Variants in RNASE4 observed in about 807,000 individuals in gnomAD.
RNASE4 encodes ribonuclease A family member 4.
For synonymous variants in RNASE4, 93 were observed against 71.4 expected, an observed-to-expected ratio of 1.30 and a Z score of -1.52; for missense variants, 194 against 192.8, an observed-to-expected ratio of 1.01 and a Z score of -0.04.
At chr14:20,693,029 A>G (rs1287527274) in intron 1 of RNASE4, among the ~76,000 whole-genome samples, 1 of 151,366 alleles carries the variant, frequency 6.6e-6, no homozygotes, top group Non-Finnish European at 1.5e-5. Context: ...TTGTATTTTT[A>G]GTAGAGACGG....
chr14:20,698,245 G>T (rs1887157125), intron 1 of RNASE4, among the ~76,000 whole-genome samples: 1 of 151,936 alleles, frequency 6.6e-6, no homozygotes, highest in Non-Finnish European at 1.5e-5. Context: ...ACAACACAAT[G>T]ATGCTGCAAC....
At chr14:20,699,277 C>T in intron 1 of RNASE4, 78 bp from the exon 2 acceptor site, 11 of 1,251,340 alleles carry the variant, frequency 8.8e-6, no homozygotes, top group East Asian at 2.3e-5. Context: ...AGTCAGGATG[C>T]CGGCTTGCTA....
In RNASE4 at chr14:20,699,655, G is replaced by T; in HGVS notation, c.284G>T (p.Gly95Val). Residue 95 changes from glycine (G) to valine (V), a missense_variant, in exon 2 of 2, where the codon GGC becomes GTC. Physicochemically the swap from Gly to Val is moderately radical, Grantham distance 109 (BLOSUM62 -3). Transcript: ENST00000555835. ...ACCACCAATATCCAATGCAAGAACG[G>T]CAAGATGAACTGCCATGAGGGTGTA... is the stretch of plus-strand genomic sequence containing the variant. ...CSTTNIQCKNGKMNCHEGVVK... is the reference protein window; with the variant it reads ...CSTTNIQCKNVKMNCHEGVVK... The T allele has an allele frequency of 6.2e-7, 1 of 1,612,128 alleles. No individual in the cohort carries two copies. The highest frequency in any genetic ancestry group is 8.5e-7 in the Non-Finnish European group (1 of 1,180,018).
At chr14:20,693,606 G>A (rs145436253) in intron 1 of RNASE4, 1 of 1,613,914 alleles carries the variant, frequency 6.2e-7, no homozygotes, top group East Asian at 2.2e-5. Flanking sequence ...TCTTCGTGCT[G>A]GGTCTGGGTC....
intron 1 of RNASE4, among the ~76,000 whole-genome samples, chr14:20,689,286 G>T (rs1886576480): frequency 6.6e-6 from 1 of 152,170 alleles, no homozygotes; most frequent in Admixed American, 6.5e-5. Flanking sequence ...AAAAGTTTTG[G>T]ATGCTCTTTC....
chr14:20,694,330 C>T (rs34844305), intron 1 of RNASE4: 235 of 320,134 alleles, frequency 7.3e-4, no homozygotes, highest in Non-Finnish European at 1.2e-3. Context: ...GATGGAGTCT[C>T]ACTCTGTCGC....
intron 1 of RNASE4, among the ~76,000 whole-genome samples, chr14:20,689,283 T>C (rs1886575971): frequency 6.6e-6 from 1 of 152,222 alleles, no homozygotes; most frequent in African/African-American, 2.4e-5. Flanking sequence ...TAGAAAAGTT[T>C]TGGATGCTCT....
Position 20,699,650 on chromosome 14 carries a change from G to C in RNASE4, c.279G>C (p.Lys93Asn). The stretch of plus-strand genomic sequence containing the variant: ...GCAGCACCACCAATATCCAATGCAA[G>C]AACGGCAAGATGAACTGCCATGAGG... ...SICSTTNIQC[K>N]NGKMNCHEGV... Residue 93 changes from lysine to asparagine, a missense_variant, in exon 2 of 2, where the codon AAG becomes AAC. By Grantham distance (94) the Lys-to-Asn change is moderately conservative. Transcript: ENST00000555835. 1 of 1,612,496 alleles carries C rather than the reference G, an allele frequency of 6.2e-7. No homozygotes were observed. The highest frequency in any genetic ancestry group is 8.5e-7 in the Non-Finnish European group (1 of 1,180,018).
At chr14:20,692,049 A>G (rs1251757870) in intron 1 of RNASE4, among the ~76,000 whole-genome samples, 1 of 152,244 alleles carries the variant, frequency 6.6e-6, no homozygotes, top group Non-Finnish European at 1.5e-5. Flanking sequence ...ACTATTTGAT[A>G]CGAAAATGTT....
Position 20,700,511 on chromosome 14 carries a change from A to T in RNASE4, c.*696A>T, listed in dbSNP as rs1887258192. 1 of 167,100 alleles carries T rather than the reference A, an allele frequency of 6.0e-6. No homozygotes were observed. 10.4% of individuals were successfully genotyped at this position (167,100 alleles called of 1,614,324 possible). A position where few individuals can be genotyped will look rare whatever the true frequency, so the allele number is the denominator to read the frequency against. The stretch of plus-strand genomic sequence containing the variant: ...AGTAAGTCAAAGTACTAAAAAATGT[A>T]CTAGATCATTAAGACTTATGTGCTC... On this transcript the variant is annotated 3_prime_UTR_variant, in exon 2 of 2. Transcript: ENST00000555835.
intron 1 of RNASE4, among the ~76,000 whole-genome samples, chr14:20,696,708 G>A (rs1167360257): frequency 6.6e-6 from 1 of 150,962 alleles, no homozygotes; most frequent in Non-Finnish European, 1.5e-5. Flanking sequence ...AGAAGCAGAG[G>A]AAACCAAGAA....
intron 1 of RNASE4, among the ~76,000 whole-genome samples, chr14:20,690,238 A>G (rs1230654982): frequency 1.3e-5 from 2 of 150,104 alleles, no homozygotes; most frequent in African/African-American, 2.4e-5. Context: ...AAAAAAAAAA[A>G]AAAAAAAAAA....
In RNASE4 at chr14:20,693,930, G is replaced by A. The variant is rs369214577; in HGVS notation, c.-17-5425G>A. 6.2e-6 allele frequency: 10 copies of A among 1,614,086 alleles called. No homozygotes were observed. The highest frequency in any genetic ancestry group is 2.2e-5 in the South Asian group (2 of 91,030). ...CTCCATGCCAGTACCGAGCCACAGC[G>A]GGGTTCAGAAACGTTGTTGTTGCTT... is the stretch of plus-strand genomic sequence containing the variant. On this transcript the variant is annotated intron_variant, in intron 1 of 1. Transcript: ENST00000555835.
chr14:20,685,575 G>A (rs1016745093), intron 1 of RNASE4, among the ~76,000 whole-genome samples: 42 of 152,174 alleles, frequency 2.8e-4, no homozygotes, highest in Admixed American at 2.7e-3. Context: ...TTTGCAAGAG[G>A]ATAGGTTTAT....
chr14:20,689,098 T>C (rs1383703788), intron 1 of RNASE4, among the ~76,000 whole-genome samples: 1 of 152,100 alleles, frequency 6.6e-6, no homozygotes, highest in African/African-American at 2.4e-5. Flanking sequence ...TTAGGAGGGA[T>C]TTCTAAATTG....
chr14:20,692,050 C>G (rs966956548), intron 1 of RNASE4, among the ~76,000 whole-genome samples: 1 of 152,038 alleles, frequency 6.6e-6, no homozygotes, highest in Admixed American at 6.6e-5. Context: ...CTATTTGATA[C>G]GAAAATGTTC....
At chr14:20,697,734 G>A (rs1887140706) in intron 1 of RNASE4, among the ~76,000 whole-genome samples, 1 of 152,088 alleles carries the variant, frequency 6.6e-6, no homozygotes, top group South Asian at 2.1e-4. Context: ...GTTCAACTGG[G>A]GTCAGTCCTT....
At chr14:20,692,580 A>AT (rs1308340258) in intron 1 of RNASE4, among the ~76,000 whole-genome samples, 1 of 152,190 alleles carries the variant, frequency 6.6e-6, no homozygotes, top group Non-Finnish European at 1.5e-5. Flanking sequence ...CGGGATCCAG[A>AT]TTGTGCACTC....
intron 1 of RNASE4, among the ~76,000 whole-genome samples, chr14:20,685,368 A>T (rs1864014347): frequency 1.3e-5 from 2 of 152,150 alleles, no homozygotes; most frequent in South Asian, 4.1e-4. Context: ...TATTAAAACA[A>T]TTTCAGCACC....
Sources: gnomAD v4.1 joint callset for allele counts (sites outside exome capture counted in the v4.1 genomes callset) on GRCh38, gnomAD v4.1.1 for gene constraint, MANE v1.5 for transcripts, NCBI Gene and HGNC (gene_info 2026-07-23, HGNC 2026-07-21) for gene names.